Variants in NAV2 observed in about 807,000 individuals in gnomAD.
The protein encoded by NAV2 is helicase, APC down-regulated 1.
In NAV2, 54 loss-of-function variants were observed where a neutral mutation model predicts 223.2. The observed-to-expected ratio is 0.24, with a 90% CI of 0.19 to 0.30. The LOEUF (loss-of-function observed/expected upper bound fraction) is 0.30, where lower values mean the gene tolerates loss of function less well. Among genes scored for constraint, NAV2 ranks in the 10% least tolerant of loss-of-function variants. NAV2 has a pLI of 1.00. For synonymous variants in NAV2, 1,279 were observed against 1,239.3 expected (o/e 1.03, Z -0.67); for missense variants, 2,806 against 3,147.5 (o/e 0.89, Z 2.60).
rs1295136378 is a variant in NAV2 at position 19,989,184 on chromosome 11, G to C, written c.2768+4937G>C. ...AAGTTTCATGGCGAGGGGAATTAAG[G>C]TTGCCAGTCAGCTGACAGGGAGATT... is the stretch of plus-strand genomic sequence containing the variant. On this transcript the variant is annotated intron_variant, in intron 11 of 37. Coordinates refer to ENST00000349880, the MANE Select transcript of NAV2 (RefSeq NM_145117.5). Among the ~76,000 whole-genome samples the C allele has an allele frequency of 2.0e-5, 3 of 152,326 alleles. No individual in the cohort carries two copies. The South Asian group carries it at 6.2e-4, about 32-fold the overall frequency.
intron 1 of NAV2, among the ~76,000 whole-genome samples, chr11:19,500,652 A>G (rs888143575): frequency 1.3e-5 from 2 of 152,226 alleles, no homozygotes; most frequent in Non-Finnish European, 2.9e-5. Context: ...TATCCCTTGA[A>G]CAGAGTATAA....
At chr11:19,859,640 T>G (rs1447867487) in intron 3 of NAV2, among the ~76,000 whole-genome samples, 1 of 152,082 alleles carries the variant, frequency 6.6e-6, no homozygotes, top group Non-Finnish European at 1.5e-5. Flanking sequence ...TGGCCCGTTC[T>G]CAATGAGCTG....
At chr11:19,474,231 G>A (rs1177523103) in intron 1 of NAV2, among the ~76,000 whole-genome samples, 2 of 152,206 alleles carry the variant, frequency 1.3e-5, no homozygotes, top group Admixed American at 6.5e-5. Flanking sequence ...ACTTGTAAAT[G>A]TGTCCAAAGA....
At chr11:19,616,379 T>A (rs1255861080) in intron 1 of NAV2, among the ~76,000 whole-genome samples, 1 of 151,808 alleles carries the variant, frequency 6.6e-6, no homozygotes, top group Non-Finnish European at 1.5e-5. Context: ...CTCCCCTATG[T>A]GTGTGTATTG....
intron 1 of NAV2, among the ~76,000 whole-genome samples, chr11:19,634,369 G>C (rs2047431656): frequency 6.6e-6 from 1 of 152,180 alleles, no homozygotes; most frequent in African/African-American, 2.4e-5. Context: ...GAGGGGAATA[G>C]AAAAGATAAC....
intron 1 of NAV2, among the ~76,000 whole-genome samples, chr11:19,732,851 A>C (rs1158802699): frequency 6.6e-6 from 1 of 152,190 alleles, no homozygotes; most frequent in Non-Finnish European, 1.5e-5. Context: ...GAATCTGATG[A>C]CTTACGTGCC....
intron 1 of NAV2, among the ~76,000 whole-genome samples, chr11:19,386,034 G>T (rs1358329211): frequency 2.0e-5 from 3 of 152,158 alleles, no homozygotes; most frequent in Admixed American, 2.0e-4. Context: ...AAAGTGCTGG[G>T]ATTACAGGCG....
At chr11:19,615,811 T>G (rs1362326880) in intron 1 of NAV2, among the ~76,000 whole-genome samples, 1 of 152,174 alleles carries the variant, frequency 6.6e-6, no homozygotes, top group Non-Finnish European at 1.5e-5. Context: ...CAAATTCTCA[T>G]TACACTGAAT....
At chr11:19,531,645 G>A (rs2044030713) in intron 1 of NAV2, among the ~76,000 whole-genome samples, 1 of 152,166 alleles carries the variant, frequency 6.6e-6, no homozygotes, top group South Asian at 2.1e-4. Context: ...AGAATGAAAG[G>A]TTGGGAATTC....
At chr11:19,371,952 A>AT (rs1447361205) in intron 1 of NAV2, among the ~76,000 whole-genome samples, 25 of 151,588 alleles carry the variant, frequency 1.6e-4, no homozygotes, top group Admixed American at 1.6e-3. Flanking sequence ...TAATTTTTGT[A>AT]TTTTTTAGTA....
intron 10 of NAV2, among the ~76,000 whole-genome samples, chr11:19,957,566 A>C (rs140159329): frequency 6.6e-6 from 1 of 152,298 alleles, no homozygotes; most frequent in Admixed American, 6.5e-5. Flanking sequence ...GCATAAACTG[A>C]ACACCTCTTC....
chr11:19,505,961 T>C (rs1404431662), intron 1 of NAV2: 1 of 152,192 alleles, frequency 6.6e-6, no homozygotes, highest in African/African-American at 2.4e-5. Flanking sequence ...CAAACAGCCA[T>C]GGAGACACCC....
In NAV2 at chr11:19,864,877, G is replaced by C. The variant is rs144023592; in HGVS notation, c.439-4048G>C. 7.8e-3 allele frequency among the ~76,000 whole-genome samples: 1,194 copies of C among 152,174 alleles called. 13 individuals are homozygous for C. Among genetic ancestry groups the C allele is most frequent in the African/African-American group, 0.027 (1,134 of 41,490 alleles). ...TTCACTCAACACCTCTCTGCTCCCGGAGTCTCCAAGCCACGTGGTAGTCCC... is the reference window on the plus strand; with the variant it reads ...TTCACTCAACACCTCTCTGCTCCCGCAGTCTCCAAGCCACGTGGTAGTCCC... On this transcript the variant is annotated intron_variant, in intron 3 of 37. Coordinates refer to ENST00000349880, the MANE Select transcript of NAV2 (RefSeq NM_145117.5).
chr11:19,585,152 T>C (rs1261095877), intron 1 of NAV2, among the ~76,000 whole-genome samples: 1 of 152,226 alleles, frequency 6.6e-6, no homozygotes, highest in Non-Finnish European at 1.5e-5. Context: ...TTTGTCTCTT[T>C]TGATCTTTGT....
At chr11:19,536,654 A>G (rs1480366008) in intron 1 of NAV2, among the ~76,000 whole-genome samples, 1 of 152,236 alleles carries the variant, frequency 6.6e-6, no homozygotes, top group East Asian at 1.9e-4. Context: ...ATTGATAAGG[A>G]GAAGTTAAGT....
intron 1 of NAV2, among the ~76,000 whole-genome samples, chr11:19,450,373 G>A (rs1851748594): frequency 6.6e-6 from 1 of 152,164 alleles, no homozygotes; most frequent in Admixed American, 6.5e-5. Flanking sequence ...AGCTCCTTGA[G>A]CCATGGAGTG....
chr11:19,517,465 C>T (rs969353495), intron 1 of NAV2, among the ~76,000 whole-genome samples: 2 of 152,212 alleles, frequency 1.3e-5, no homozygotes, highest in African/African-American at 4.8e-5. Flanking sequence ...CCCCAAATTG[C>T]CCATCTGTAC....
At chr11:19,828,722 T>G (rs1332003875) in intron 1 of NAV2, among the ~76,000 whole-genome samples, 1 of 152,216 alleles carries the variant, frequency 6.6e-6, no homozygotes, top group East Asian at 1.9e-4. Context: ...ACTCCTGGGC[T>G]CAAGTTTGCC....
intron 11 of NAV2, among the ~76,000 whole-genome samples, chr11:20,029,908 A>T (rs1260862532): frequency 1.3e-5 from 2 of 152,256 alleles, no homozygotes. Flanking sequence ...TGATCTGGTT[A>T]GGAAATCATG....
Sources: allele counts gnomAD v4.1 joint callset (sites outside exome capture counted in the v4.1 genomes callset), GRCh38; gene constraint gnomAD v4.1.1; transcripts MANE v1.5; gene names NCBI Gene and HGNC (gene_info 2026-07-23, HGNC 2026-07-21).